The following BCAS1 variants were observed in gnomAD, a reference collection of about 807,000 sequenced individuals.
The protein encoded by BCAS1 is brain enriched myelin associated protein 1.
BCAS1 carries 46 observed loss-of-function variants against 65.4 expected under a neutral mutation model. The observed-to-expected ratio is 0.70, with a 90% CI of 0.55 to 0.90. The LOEUF is 0.90. Ranked by LOEUF, BCAS1 falls within the 40% of genes least tolerant of loss-of-function variation. BCAS1 has a pLI of 0.00. For missense variants in BCAS1, 793 were observed against 771.2 expected, an observed-to-expected ratio of 1.03 and a Z score of -0.33; for synonymous variants, 298 against 293.5, an observed-to-expected ratio of 1.02 and a Z score of -0.16.
chr20:53,959,985 C>T (rs7353295), intron 10 of BCAS1, among the ~76,000 whole-genome samples: 4 of 152,154 alleles, frequency 2.6e-5, no homozygotes, highest in African/African-American at 4.8e-5. Flanking sequence ...GCTTTGGACA[C>T]GTAAGGATTT....
At chr20:54,008,700 T>C (rs533339276) in intron 4 of BCAS1, among the ~76,000 whole-genome samples, 5 of 152,220 alleles carry the variant, frequency 3.3e-5, no homozygotes, top group African/African-American at 1.2e-4. Context: ...AGATAACTTG[T>C]CATACCATAC....
At chr20:53,968,132 T>C (rs1302462777) in intron 9 of BCAS1, among the ~76,000 whole-genome samples, 1 of 152,378 alleles carries the variant, frequency 6.6e-6, no homozygotes, top group East Asian at 1.9e-4. Flanking sequence ...TAGCTGAGAC[T>C]ATCAGCACAC....
At chr20:54,019,417 T>A (rs1054869962) in intron 4 of BCAS1, among the ~76,000 whole-genome samples, 9 of 152,216 alleles carry the variant, frequency 5.9e-5, no homozygotes, top group African/African-American at 2.2e-4. Flanking sequence ...CTGAAACTAT[T>A]CCATAGCAGA....
intron 12 of BCAS1, among the ~76,000 whole-genome samples, chr20:53,947,626 T>G (rs1378922925): frequency 6.6e-6 from 1 of 152,164 alleles, no homozygotes; most frequent in Non-Finnish European, 1.5e-5. Flanking sequence ...CAGAGGAGGC[T>G]GCTGAAGCCC....
rs541608407 is a variant in BCAS1 at position 54,012,535 on chromosome 20, T to C, written c.723+15857A>G. ...CAACAATGAAGAACCACTTAAAAAG[T>C]TGAACTTTTGGGATCTGCAGTTAAA... On this transcript the variant is annotated intron_variant, in intron 4 of 12. Coordinates refer to ENST00000688948, the MANE Select transcript of BCAS1 (RefSeq NM_001366298.2). Among the ~76,000 whole-genome samples, 7 of 151,404 alleles carry C rather than the reference T, an allele frequency of 4.6e-5. No individual in the cohort carries two copies. In the South Asian group the frequency reaches 1.5e-3, roughly 31 times the overall value.
rs1282068150 is a variant in BCAS1 at position 53,985,516 on chromosome 20, A to C, written c.1063-17T>G. 2 of 1,609,432 alleles carry C rather than the reference A, an allele frequency of 1.2e-6. No individual in the cohort carries two copies. On this transcript the variant is annotated splice_polypyrimidine_tract_variant and intron_variant, in intron 7 of 12. Coordinates refer to ENST00000688948, the MANE Select transcript of BCAS1 (RefSeq NM_001366298.2). The stretch of plus-strand genomic sequence containing the variant: ...TTCAGCACCCTAAAGAGTTAAAAAA[A>C]ATGGAGGGAAAACATTCAAAATGGT...
intron 10 of BCAS1, among the ~76,000 whole-genome samples, chr20:53,957,884 T>TC: frequency 8.4e-6 from 1 of 118,714 alleles, no homozygotes; most frequent in South Asian, 2.6e-4. Flanking sequence ...TGTTTTATTG[T>TC]TTTTTTTTTT....
chr20:53,975,578 G>A, intron 8 of BCAS1, 148 bp from the exon 9 acceptor site: 1 of 433,052 alleles, frequency 2.3e-6, no homozygotes, highest in Non-Finnish European at 4.2e-6. Flanking sequence ...TAAAAAGAAA[G>A]GAGACTTACA....
chr20:54,011,093 TGGAC>T, intron 4 of BCAS1, among the ~76,000 whole-genome samples: 1 of 152,092 alleles, frequency 6.6e-6, no homozygotes, highest in Non-Finnish European at 1.5e-5. Flanking sequence ...AAAGAGATCG[TGGAC>T]TTAAACATAA....
intron 8 of BCAS1, among the ~76,000 whole-genome samples, chr20:53,978,301 T>C (rs1329373236): frequency 2.0e-5 from 3 of 152,132 alleles, no homozygotes; most frequent in Admixed American, 6.5e-5. Context: ...CTCTATTCAG[T>C]TGATGTTTTT....
chr20:53,993,440 C>T (rs1467179481), intron 6 of BCAS1, among the ~76,000 whole-genome samples: 1 of 152,196 alleles, frequency 6.6e-6, no homozygotes, highest in African/African-American at 2.4e-5. Context: ...TTGTGGGTGT[C>T]ATGGACAACC....
chr20:53,950,342 C>G (rs925359775), intron 12 of BCAS1, among the ~76,000 whole-genome samples: 2 of 152,176 alleles, frequency 1.3e-5, no homozygotes, highest in Non-Finnish European at 2.9e-5. Flanking sequence ...GAGCCTTGCT[C>G]TCTTCCTGTC....
At chr20:53,952,855 C>G (rs2089569986) in intron 12 of BCAS1, among the ~76,000 whole-genome samples, 2 of 151,680 alleles carry the variant, frequency 1.3e-5, no homozygotes, top group East Asian at 3.8e-4. Context: ...CTCTCTGAAC[C>G]TCTTTGGGTT....
At chr20:53,986,609 G>C (rs368282884) in intron 7 of BCAS1, among the ~76,000 whole-genome samples, 2 of 152,196 alleles carry the variant, frequency 1.3e-5, no homozygotes, top group South Asian at 4.2e-4. Context: ...ATAAAAATGG[G>C]GTATGGGCCG....
At chr20:53,966,851 C>T in intron 10 of BCAS1, 55 bp downstream of exon 10, 2 of 1,518,738 alleles carry the variant, frequency 1.3e-6, no homozygotes, top group South Asian at 1.4e-5. Flanking sequence ...GCCCATTGTT[C>T]CCAGAAGCCG....
At chr20:54,067,765 G>A (rs998851084) in intron 1 of BCAS1, among the ~76,000 whole-genome samples, 3 of 152,176 alleles carry the variant, frequency 2.0e-5, no homozygotes, top group Admixed American at 6.5e-5. Flanking sequence ...TGAATGGGAG[G>A]GGGGGTGGTT....
At chr20:53,972,801 G>A (rs530717064) in intron 9 of BCAS1, among the ~76,000 whole-genome samples, 26 of 152,228 alleles carry the variant, frequency 1.7e-4, no homozygotes, top group African/African-American at 5.3e-4. Flanking sequence ...ACAAGAACCC[G>A]AAAGTGTAGG....
chr20:54,042,708 C>A (rs906051341), intron 3 of BCAS1, among the ~76,000 whole-genome samples: 1 of 152,104 alleles, frequency 6.6e-6, no homozygotes, highest in African/African-American at 2.4e-5. Context: ...GTATATCGCT[C>A]AGAATGTTTG....
At chr20:53,950,198 T>C (rs1441705563) in intron 12 of BCAS1, among the ~76,000 whole-genome samples, 4 of 152,080 alleles carry the variant, frequency 2.6e-5, no homozygotes, top group Non-Finnish European at 5.9e-5. Context: ...CTTACTTCCA[T>C]CATTCTCCCC....
Sources: allele counts gnomAD v4.1 joint callset (sites outside exome capture counted in the v4.1 genomes callset), GRCh38; gene constraint gnomAD v4.1.1; transcripts MANE v1.5; gene names NCBI Gene and HGNC (gene_info 2026-07-23, HGNC 2026-07-21).